The following TMEM232 variants were observed in gnomAD, a reference collection of about 807,000 sequenced individuals.
TMEM232 encodes transmembrane protein 232.
In TMEM232, 80 loss-of-function variants were observed where a neutral mutation model predicts 78.8. That is an observed-to-expected ratio of 1.01 (90% confidence interval 0.85 to 1.22). The LOEUF (loss-of-function observed/expected upper bound fraction) is 1.22. Ranked by LOEUF, TMEM232 falls within the 50% of genes most tolerant of loss-of-function variation. TMEM232 has a pLI of 0.00. For missense variants in TMEM232, 881 were observed against 742.2 expected (o/e 1.19, Z -2.17); for synonymous variants, 297 against 254.3 (o/e 1.17, Z -1.60).
intron 12 of TMEM232, among the ~76,000 whole-genome samples, chr5:110,435,908 T>C (rs991263060): frequency 5.9e-5 from 9 of 152,022 alleles, no homozygotes; most frequent in African/African-American, 1.2e-4. Context: ...TGAACAATGC[T>C]GCAACAAATA....
At chr5:110,399,251 G>C in intron 2 of TMEM232, among the ~76,000 whole-genome samples, 1 of 152,122 alleles carries the variant, frequency 6.6e-6, no homozygotes, top group East Asian at 1.9e-4. Context: ...GAGGAATAAA[G>C]ATACTTCCTG....
chr5:110,460,055 A>G (rs903602291), intron 12 of TMEM232, among the ~76,000 whole-genome samples: 1 of 152,206 alleles, frequency 6.6e-6, no homozygotes, highest in Non-Finnish European at 1.5e-5. Context: ...GTGATCCTGG[A>G]CTGAATCCTG....
At chr5:110,459,798 A>G (rs572592712) in intron 12 of TMEM232, among the ~76,000 whole-genome samples, 99 of 152,300 alleles carry the variant, frequency 6.5e-4, no homozygotes, top group African/African-American at 2.3e-3. Context: ...AATCACCAAT[A>G]AAAGAACAAA....
At chr5:110,721,677 A>ATATATATATATATATC (rs1420011557) in intron 1 of TMEM232, among the ~76,000 whole-genome samples, 2 of 118,740 alleles carry the variant, frequency 1.7e-5, no homozygotes, top group African/African-American at 6.0e-5. Context: ...GTGTGTGTAT[A>ATATATATATATATATC]TATATATCTG....
chr5:110,697,031 T>C (rs1398626575), intron 1 of TMEM232, among the ~76,000 whole-genome samples: 1 of 152,164 alleles, frequency 6.6e-6, no homozygotes, highest in African/African-American at 2.4e-5. Context: ...GGCATCACGC[T>C]ACCTGACTTC....
At chr5:110,670,192 G>T (rs1791170198) in intron 1 of TMEM232, among the ~76,000 whole-genome samples, 1 of 152,156 alleles carries the variant, frequency 6.6e-6, no homozygotes, top group Non-Finnish European at 1.5e-5. Context: ...AAGTCAAATT[G>T]TCCCTGTTTG....
intron 11 of TMEM232, among the ~76,000 whole-genome samples, chr5:110,552,725 TCATA>T (rs1357648214): frequency 2.0e-5 from 3 of 152,148 alleles, no homozygotes; most frequent in Non-Finnish European, 4.4e-5. Context: ...TTTTAAATCT[TCATA>T]CACTTAATGT....
chr5:110,718,636 T>G (rs1368698736), intron 1 of TMEM232, among the ~76,000 whole-genome samples: 1 of 152,040 alleles, frequency 6.6e-6, no homozygotes, highest in Admixed American at 6.6e-5. Flanking sequence ...GATTAATTTT[T>G]TTTTAGTGTT....
chr5:110,418,194 T>G (rs1756333682), downstream of TMEM232: 1 of 152,232 alleles, frequency 6.6e-6, no homozygotes, highest in South Asian at 2.1e-4. Context: ...GAAAATAATT[T>G]TTTACATTAA....
chr5:110,636,127 G>A (rs1785793751), intron 5 of TMEM232, among the ~76,000 whole-genome samples: 1 of 151,926 alleles, frequency 6.6e-6, no homozygotes, highest in South Asian at 2.1e-4. Context: ...ATGGAACTGG[G>A]AGTCACTATG....
chr5:110,465,276 C>CTGTT (rs1459653174), intron 12 of TMEM232, among the ~76,000 whole-genome samples: 2 of 152,196 alleles, frequency 1.3e-5, no homozygotes, highest in Non-Finnish European at 2.9e-5. Flanking sequence ...GTCCAGCTTT[C>CTGTT]TGTTTGTCAC....
Position 110,434,059 on chromosome 5 carries a change from C to T in TMEM232, c.1704-9143G>A, listed in dbSNP as rs141686610. Among the ~76,000 whole-genome samples, 960 of 147,410 alleles carry T rather than the reference C, an allele frequency of 6.5e-3. 18 individuals carry two copies. Among genetic ancestry groups the T allele is most frequent in the African/African-American group, 0.022 (890 of 40,242 alleles). On this transcript the variant is annotated intron_variant, in intron 12 of 13. Transcript: ENST00000455884. ...GAAAAGTTTAAAAAGAAACTAAAGT[C>T]AGAGCAGAAGAAAATAAAATAAATG...
intron 12 of TMEM232, among the ~76,000 whole-genome samples, chr5:110,473,918 A>AAAAAAC (rs1762954682): frequency 7.6e-6 from 1 of 130,770 alleles, no homozygotes; most frequent in South Asian, 2.4e-4. Context: ...AAAAAAAAAA[A>AAAAAAC]CCCGCAAAAT....
At chr5:110,537,095 C>G (rs952512006) in intron 11 of TMEM232, among the ~76,000 whole-genome samples, 7 of 152,010 alleles carry the variant, frequency 4.6e-5, no homozygotes, top group African/African-American at 1.7e-4. Context: ...TCACTCGGGT[C>G]ACTTGATAAA....
chr5:110,410,913 T>C (rs1009852358), intron 2 of TMEM232, among the ~76,000 whole-genome samples: 2 of 152,274 alleles, frequency 1.3e-5, no homozygotes, highest in East Asian at 1.9e-4. Context: ...TCTGCTTCTC[T>C]AAGATGATGT....
intron 1 of TMEM232, among the ~76,000 whole-genome samples, chr5:110,674,458 G>T (rs1057063721): frequency 6.6e-6 from 1 of 152,180 alleles, no homozygotes; most frequent in Non-Finnish European, 1.5e-5. Context: ...TTTACGTATT[G>T]AGTTTGATTT....
intron 11 of TMEM232, among the ~76,000 whole-genome samples, chr5:110,547,354 T>C (rs1368617846): frequency 6.6e-6 from 1 of 152,108 alleles, no homozygotes; most frequent in African/African-American, 2.4e-5. Flanking sequence ...GAAAATCACA[T>C]AGGCCTAACA....
chr5:110,622,780 A>T (rs1377432049), intron 7 of TMEM232, among the ~76,000 whole-genome samples: 1 of 148,176 alleles, frequency 6.7e-6, no homozygotes, highest in Non-Finnish European at 1.5e-5. Context: ...GACTTCCACA[A>T]TGGTTGAACA....
chr5:110,475,821 T>TA (rs1251706218), intron 12 of TMEM232, among the ~76,000 whole-genome samples: 2 of 151,216 alleles, frequency 1.3e-5, no homozygotes, highest in Admixed American at 6.6e-5. Context: ...AAAGAACCAC[T>TA]AAAAAAAAGT....
Sources: gnomAD v4.1 joint callset for allele counts (sites outside exome capture counted in the v4.1 genomes callset) on GRCh38, gnomAD v4.1.1 for gene constraint, MANE v1.5 for transcripts, NCBI Gene and HGNC (gene_info 2026-07-23, HGNC 2026-07-21) for gene names.